The following COL19A1 variants were observed in gnomAD, a reference collection of about 807,000 sequenced individuals.
The protein encoded by COL19A1 is collagen alpha-1(XIX) chain.
Under a neutral mutation model 190.2 loss-of-function variants are expected in COL19A1, and 159 were observed. That is an observed-to-expected ratio of 0.84 (90% CI 0.73 to 0.95). The LOEUF is 0.95. Among genes scored for constraint, COL19A1 ranks in the 40% least tolerant of loss-of-function variants. COL19A1 has a pLI of 0.00. For missense variants in COL19A1, 1,418 were observed against 1,431.9 expected (o/e 0.99, Z 0.16); for synonymous variants, 509 against 458.9 (o/e 1.11, Z -1.39).
At chr6:70,179,135 G>A (rs933138270) in intron 42 of COL19A1, among the ~76,000 whole-genome samples, 2 of 152,122 alleles carry the variant, frequency 1.3e-5, no homozygotes, top group African/African-American at 4.8e-5. Flanking sequence ...AAGCTGTGGG[G>A]ACCCAGGGAT....
intron 46 of COL19A1, among the ~76,000 whole-genome samples, chr6:70,186,412 T>A (rs972958548): frequency 1.3e-4 from 20 of 152,330 alleles, no homozygotes; most frequent in African/African-American, 3.8e-4. Context: ...TATATTTTTA[T>A]AACTAAGACA....
At chr6:70,069,340 C>A (rs1311229296) in intron 15 of COL19A1, among the ~76,000 whole-genome samples, 1 of 152,094 alleles carries the variant, frequency 6.6e-6, no homozygotes, top group African/African-American at 2.4e-5. Flanking sequence ...CCCAGTTCTG[C>A]CTTCTGTAAA....
chr6:70,082,167 G>A (rs915626331), intron 15 of COL19A1, among the ~76,000 whole-genome samples: 4 of 152,132 alleles, frequency 2.6e-5, no homozygotes, highest in African/African-American at 7.2e-5. Flanking sequence ...ATTTCATTGA[G>A]AGGTTGTTTA....
chr6:70,071,369 T>C (rs1781545305), intron 15 of COL19A1, among the ~76,000 whole-genome samples: 1 of 152,186 alleles, frequency 6.6e-6, no homozygotes, highest in African/African-American at 2.4e-5. Flanking sequence ...TAGTTGATTT[T>C]ATTTTTTTAA....
chr6:70,131,617 T>C (rs1785527939), intron 18 of COL19A1, among the ~76,000 whole-genome samples: 1 of 152,068 alleles, frequency 6.6e-6, no homozygotes, highest in African/African-American at 2.4e-5. Context: ...TACGCCACCA[T>C]AACCAACGCA....
In COL19A1 at chr6:69,932,817, C is replaced by G. The variant is rs934825907; in HGVS notation, c.701C>G (p.Ala234Gly). The change falls in exon 7 of 51, where the codon GCA becomes GGA. Residue 234 changes from alanine (A) to glycine (G), a missense_variant. Transcript: ENST00000620364. ...ELHQLKIYCS[A>G]NLIAQETCCE... ...CACCAACTTAAAATCTACTGCAGTG[C>G]AAACCTCATAGCTCAAGAAACATGT... The G allele has an allele frequency of 1.3e-5, 21 of 1,608,454 alleles. No individual in the cohort carries two copies. Among genetic ancestry groups the G allele is most frequent in the Non-Finnish European group, 1.8e-5 (21 of 1,176,552 alleles).
At chr6:70,110,270 A>C (rs770108970) in intron 16 of COL19A1, among the ~76,000 whole-genome samples, 1 of 152,142 alleles carries the variant, frequency 6.6e-6, no homozygotes, top group Non-Finnish European at 1.5e-5. Context: ...TCCCTTCTAG[A>C]AGCTTGAACT....
chr6:70,109,503 C>T (rs181333318), intron 16 of COL19A1, among the ~76,000 whole-genome samples: 99 of 151,270 alleles, frequency 6.5e-4, no homozygotes, highest in African/African-American at 2.2e-3. Context: ...GAGAGATACA[C>T]GTAGCCATGA....
At chr6:69,966,401 G>A (rs1775106625) in intron 11 of COL19A1, among the ~76,000 whole-genome samples, 1 of 152,202 alleles carries the variant, frequency 6.6e-6, no homozygotes, top group South Asian at 2.1e-4. Flanking sequence ...GTAGACATAG[G>A]AGACTCCATT....
At chr6:69,879,761 T>A in intron 2 of COL19A1, 103 bp downstream of exon 2, 1 of 937,690 alleles carries the variant, frequency 1.1e-6, no homozygotes, top group Middle Eastern at 2.1e-4. Context: ...ATTAATGTAC[T>A]ATAACAGAAT....
In COL19A1 at chr6:70,172,622, C is replaced by T. The variant is rs142556136; in HGVS notation, c.2622+605C>T. ...GAGACTGAGAGTAAGCACCTAAAAA[C>T]ATGTCCAGTAATTTGTCTAAAATTG... is the stretch of plus-strand genomic sequence containing the variant. On this transcript the variant is annotated intron_variant, in intron 41 of 50. Transcript: ENST00000620364. Among the ~76,000 whole-genome samples the T allele has an allele frequency of 1.6e-3, 247 of 152,306 alleles. 2 individuals carry two copies. The highest frequency in any genetic ancestry group is 5.4e-3 in the African/African-American group (224 of 41,568).
rs144686638 is a variant in COL19A1, at chr6:70,052,139, G to A, written c.1170+16200G>A. On this transcript the variant is annotated intron_variant, in intron 14 of 50. Transcript: ENST00000620364. The stretch of plus-strand genomic sequence containing the variant: ...ACAGACTCAGTGTGTCTCCGACTTT[G>A]GCCCAAGTGGGCAACCATAAGGATA... Among the ~76,000 whole-genome samples, 21 of 152,116 alleles carry A rather than the reference G, an allele frequency of 1.4e-4. No individual in the cohort carries two copies. In the East Asian group the frequency reaches 3.7e-3, roughly 27 times the overall value.
At chr6:69,996,167 T>C (rs955374336) in intron 11 of COL19A1, among the ~76,000 whole-genome samples, 2 of 152,188 alleles carry the variant, frequency 1.3e-5, no homozygotes, top group African/African-American at 4.8e-5. Flanking sequence ...ATCTCAGTAT[T>C]GACACAATAC....
In COL19A1 at chr6:70,207,147, C is replaced by T. The variant is rs753501507; in HGVS notation, c.3302C>T (p.Ala1101Val). 9.3e-6 allele frequency: 15 copies of T among 1,612,812 alleles called. No individual in the cohort carries two copies. The East Asian group carries it at 3.3e-4, about 36-fold the overall frequency. Residue 1101 changes from alanine (A) to valine (V), a missense_variant and splice_region_variant, in exon 51 of 51, where the codon GCT (alanine) becomes GTT (valine). Physicochemically the swap from Ala to Val is moderately conservative, Grantham distance 64. Transcript: ENST00000620364. ...PGSPGLPGTSALGLPGSPGAP... is the reference protein window; with the variant it reads ...PGSPGLPGTSVLGLPGSPGAP... ...TGTAATTTTTTTTTTATGTCGTTAG[C>T]TCTGGGTTTGCCAGGCTCACCAGGT...
At chr6:69,882,878 T>C (rs1397126803) in intron 2 of COL19A1, among the ~76,000 whole-genome samples, 2 of 152,356 alleles carry the variant, frequency 1.3e-5, no homozygotes, top group East Asian at 1.9e-4. Flanking sequence ...TGCTGTTATA[T>C]AGAGAATTTT....
intron 22 of COL19A1, 113 bp from the exon 23 acceptor site, chr6:70,142,654 A>T: frequency 2.5e-6 from 2 of 816,104 alleles, no homozygotes; most frequent in Non-Finnish European, 3.9e-6. Flanking sequence ...GATGGTGGAA[A>T]GTTGGTCTTC....
rs1768051228 is a variant in COL19A1, at chr6:70,209,119, T to G, written c.*1845T>G. 6.6e-6 allele frequency: 1 copy of G among 152,542 alleles called. No homozygotes were observed. Among genetic ancestry groups the G allele is most frequent in the Non-Finnish European group, 1.5e-5 (1 of 68,008 alleles). The allele number at this position is 152,542 out of a possible 1,614,324, so 9.4% of individuals were successfully genotyped here. On this transcript the variant is annotated 3_prime_UTR_variant, in exon 51 of 51. Transcript: ENST00000620364. ...TACACAATTGGGACATACGTATGTG[T>G]TTTCTTAGTAAAATGGTAATTTATC...
At chr6:70,113,045 C>G (rs1284268358) in intron 16 of COL19A1, among the ~76,000 whole-genome samples, 2 of 152,188 alleles carry the variant, frequency 1.3e-5, no homozygotes, top group Non-Finnish European at 2.9e-5. Flanking sequence ...CGCACTGCCT[C>G]TGAACTTGTG....
chr6:70,050,597 C>A (rs905350920), intron 14 of COL19A1, among the ~76,000 whole-genome samples: 2 of 152,010 alleles, frequency 1.3e-5, no homozygotes, highest in African/African-American at 4.8e-5. Flanking sequence ...TAAAATATCA[C>A]CCAATCCTAC....
Sources: allele counts gnomAD v4.1 joint callset (sites outside exome capture counted in the v4.1 genomes callset), GRCh38; gene constraint gnomAD v4.1.1; transcripts MANE v1.5; gene names NCBI Gene and HGNC (gene_info 2026-07-23, HGNC 2026-07-21).